POLR2G: variants seen among roughly 807,000 people sequenced by gnomAD.
The protein encoded by POLR2G is DNA-directed RNA polymerase II subunit RPB7.
Under a neutral mutation model 25.7 loss-of-function variants are expected in POLR2G, and 19 were observed. The observed-to-expected ratio is 0.74, with a 90% CI of 0.52 to 1.08. The LOEUF (loss-of-function observed/expected upper bound fraction) is 1.08, where lower values mean the gene tolerates loss of function less well. Among genes scored for constraint, POLR2G ranks in the 50% least tolerant of loss-of-function variants. The pLI is 0.00. For missense variants in POLR2G, 123 were observed against 218.5 expected, an observed-to-expected ratio of 0.56 and a Z score of 2.76; for synonymous variants, 79 against 76.0, an observed-to-expected ratio of 1.04 and a Z score of -0.21.
intron 2 of POLR2G, chr11:62,762,402 C>T: frequency 3.9e-6 from 1 of 253,858 alleles, no homozygotes; most frequent in East Asian, 8.5e-5. Flanking sequence ...GGGATTTGAC[C>T]ATCTCTGGGC....
In POLR2G at chr11:62,766,561, TATC is replaced by T. The variant is rs1565183676; in HGVS notation, c.*57_*59del. 10 of 1,564,534 alleles carry T rather than the reference TATC, an allele frequency of 6.4e-6. No homozygotes were observed. The highest frequency in any genetic ancestry group is 1.1e-5 in the South Asian group (1 of 90,006). On this transcript the variant is annotated 3_prime_UTR_variant, in exon 8 of 8. Transcript: ENST00000301788. ...CTCTAGGAAGTGTGATTGTCACACT[TATC>T]ATGTTGTCCAGAGGTCCAGTCTGGC...
intron 3 of POLR2G, among the ~76,000 whole-genome samples, chr11:62,763,524 G>A (rs1256943778): frequency 6.6e-6 from 1 of 151,960 alleles, no homozygotes; most frequent in Non-Finnish European, 1.5e-5. Context: ...TCGATCTCCT[G>A]ACCTCGTGAT....
intron 3 of POLR2G, among the ~76,000 whole-genome samples, chr11:62,763,648 G>C (rs1408659900): frequency 1.3e-5 from 2 of 151,854 alleles, no homozygotes; most frequent in Non-Finnish European, 2.9e-5. Flanking sequence ...GGGCAAGAGA[G>C]TCAGTATTAA....
intron 2 of POLR2G, 51 bp downstream of exon 2, chr11:62,761,955 C>T (rs773525825): frequency 6.0e-6 from 8 of 1,328,588 alleles, no homozygotes; most frequent in East Asian, 2.3e-5. Flanking sequence ...GCACACGGGG[C>T]GCTATACCTG....
intron 3 of POLR2G, among the ~76,000 whole-genome samples, chr11:62,764,034 G>C (rs2084102706): frequency 6.8e-6 from 1 of 146,986 alleles, no homozygotes; most frequent in South Asian, 2.1e-4. Flanking sequence ...GAGCCACCGT[G>C]CCCGGCCAGT....
At chr11:62,765,980 G>T (rs924031740) in intron 6 of POLR2G, among the ~76,000 whole-genome samples, 4 of 151,794 alleles carry the variant, frequency 2.6e-5, no homozygotes, top group African/African-American at 7.3e-5. Context: ...GTACAGACAG[G>T]GTTTCACCAT....
In POLR2G at chr11:62,766,358, C is replaced by T. The variant is rs373914278; in HGVS notation, c.505+82C>T. The T allele has an allele frequency of 2.0e-6, 3 of 1,518,534 alleles. No homozygotes were observed. In the Admixed American group the frequency reaches 5.0e-5, roughly 25 times the overall value. 94.1% of individuals were successfully genotyped at this position (1,518,534 alleles called of 1,614,324 possible). A position where few individuals can be genotyped will look rare whatever the true frequency, so the allele number is the denominator to read the frequency against. ...TGGGGAGTAATATAGGATTCAATGC[C>T]CAAATCAGAGAGACAGAAGAAACTT... On this transcript the variant is annotated intron_variant, in intron 7 of 7. Transcript: ENST00000301788.
chr11:62,761,992 C>T lies in POLR2G; in HGVS notation c.122+88C>T, dbSNP rs1052612658. ...AACCCCTCCCCAACTCCTACTCGTC[C>T]TGCCACCCACTCTGGGGACCCCTCT... On this transcript the variant is annotated intron_variant, in intron 2 of 7. Coordinates refer to ENST00000301788, the MANE Select transcript of POLR2G (RefSeq NM_002696.3). 1.0e-4 allele frequency: 99 copies of T among 962,634 alleles called. No homozygotes were observed. In the Admixed American group the frequency reaches 1.1e-3, roughly 11 times the overall value. 59.6% of individuals were successfully genotyped at this position (962,634 alleles called of 1,614,324 possible).
At position 62,766,621 on chromosome 11, in the gene POLR2G, C is replaced by A; in HGVS notation, c.*114C>A. On this transcript the variant is annotated 3_prime_UTR_variant, in exon 8 of 8. Coordinates refer to ENST00000301788, the MANE Select transcript of POLR2G (RefSeq NM_002696.3). ...TGTGGAGGCAAGGAAGGCAACTCAT[C>A]CCAGAAGGCATCTGGTGCTTCTTGT... The A allele has an allele frequency of 1.1e-6, 1 of 910,180 alleles. No individual in the cohort carries two copies. The highest frequency in any genetic ancestry group is 2.0e-5 in the Admixed American group (1 of 49,104). The allele number at this position is 910,180 out of a possible 1,614,324, so 56.4% of individuals were successfully genotyped here. A position where few individuals can be genotyped will look rare whatever the true frequency, so the allele number is the denominator to read the frequency against.
At chr11:62,761,731 C>G (rs1408584887) in intron 1 of POLR2G, 64 bp from the exon 2 acceptor site, 14 of 1,605,890 alleles carry the variant, frequency 8.7e-6, no homozygotes, top group Non-Finnish European at 1.2e-5. Context: ...CGGCGCGAGA[C>G]TCCCCTTGTC....
chr11:62,761,721 C>G, intron 1 of POLR2G, 61 bp downstream of exon 1: 5 of 1,606,592 alleles, frequency 3.1e-6, no homozygotes, highest in South Asian at 1.1e-5. Flanking sequence ...GGCCAGGCGC[C>G]GGCGCGAGAC....
chr11:62,764,022 G>A (rs1186601112), intron 3 of POLR2G, among the ~76,000 whole-genome samples: 1 of 151,172 alleles, frequency 6.6e-6, no homozygotes, highest in Non-Finnish European at 1.5e-5. Flanking sequence ...GATTATAGGC[G>A]TGAGCCACCG....
chr11:62,765,081 A>T (rs2084108480), intron 3 of POLR2G, 101 bp from the exon 4 acceptor site: 35 of 954,332 alleles, frequency 3.7e-5, no homozygotes, highest in Non-Finnish European at 4.3e-5. Context: ...CTGGTCTGAA[A>T]CTCCTGACCT....
chr11:62,763,816 C>T (rs1346559241), intron 3 of POLR2G, among the ~76,000 whole-genome samples: 2 of 150,616 alleles, frequency 1.3e-5, no homozygotes, highest in African/African-American at 2.5e-5. Context: ...AATCTCGGCT[C>T]GCTGCAACCT....
rs548140433 is a variant in POLR2G, at chr11:62,764,790, T to C, written c.283-392T>C. Among the ~76,000 whole-genome samples the C allele has an allele frequency of 7.9e-5, 12 of 152,112 alleles. 1 individual carries two copies. The highest frequency in any genetic ancestry group is 2.4e-4 in the African/African-American group (10 of 41,514). ...CAACCTGGGCAACAGAGTGAGACCC[T>C]GTCTCAAAATTTAAAAAGCAAAAAA... On this transcript the variant is annotated intron_variant, in intron 3 of 7. Transcript: ENST00000301788.
Position 62,765,323 on chromosome 11 carries a change from T to G in POLR2G, c.334-17T>G. On this transcript the variant is annotated splice_polypyrimidine_tract_variant and intron_variant, in intron 4 of 7. Coordinates refer to ENST00000301788, the MANE Select transcript of POLR2G (RefSeq NM_002696.3). ...CATCCATTTAAAGTGCTAACCTAGA[T>G]CTCACTTTCCTTTCAGTCCATCCCT... The G allele has an allele frequency of 1.2e-6, 2 of 1,612,198 alleles. No individual in the cohort carries two copies. The highest frequency in any genetic ancestry group is 2.2e-5 in the South Asian group (2 of 91,058).
chr11:62,765,081 A>G, intron 3 of POLR2G, 101 bp from the exon 4 acceptor site: 3 of 954,334 alleles, frequency 3.1e-6, no homozygotes, highest in Non-Finnish European at 5.0e-6. Context: ...CTGGTCTGAA[A>G]CTCCTGACCT....
At position 62,766,231 on chromosome 11, in the gene POLR2G, T is replaced by A. The variant is rs758718700; in HGVS notation, c.472-12T>A. 2.5e-6 allele frequency: 4 copies of A among 1,613,454 alleles called. No individual in the cohort carries two copies. The South Asian group carries it at 3.3e-5, about 13-fold the overall frequency. On this transcript the variant is annotated splice_polypyrimidine_tract_variant and intron_variant, in intron 6 of 7. Transcript: ENST00000301788. Reference sequence around the variant, plus strand: ...TCTTGGCTTCACTTTCTTTTTACCATCTTTCTTGCAGTTTGCTATTGGCTC... The same window carrying A: ...TCTTGGCTTCACTTTCTTTTTACCAACTTTCTTGCAGTTTGCTATTGGCTC...
At chr11:62,763,363 C>T (rs1253276708) in intron 3 of POLR2G, among the ~76,000 whole-genome samples, 2 of 131,670 alleles carry the variant, frequency 1.5e-5, no homozygotes, top group African/African-American at 5.7e-5. Flanking sequence ...GGCGAGATCT[C>T]CACTCACTGC....
Sources: gnomAD v4.1 joint callset for allele counts (sites outside exome capture counted in the v4.1 genomes callset) on GRCh38, gnomAD v4.1.1 for gene constraint, MANE v1.5 for transcripts, NCBI Gene and HGNC (gene_info 2026-07-23, HGNC 2026-07-21) for gene names.